KCNMA1: variants seen among roughly 807,000 people sequenced by gnomAD.
KCNMA1 encodes Calcium-activated potassium channel subunit alpha-1.
Under a neutral mutation model 140.0 loss-of-function variants are expected in KCNMA1, and 29 were observed. The ratio of observed to expected loss-of-function variants is 0.21; its 90% CI spans 0.15 to 0.28. KCNMA1 has a LOEUF of 0.28. Ranked by LOEUF, KCNMA1 falls within the 10% of genes least tolerant of loss-of-function variation. The pLI is 1.00. For missense variants in KCNMA1, 880 were observed against 1,602.2 expected (o/e 0.55, Z 7.70); for synonymous variants, 612 against 611.9 (o/e 1.00, Z 0.00).
At chr10:77,253,772 C>CA (rs1304782912) in intron 2 of KCNMA1, among the ~76,000 whole-genome samples, 1 of 152,196 alleles carries the variant, frequency 6.6e-6, no homozygotes, top group African/African-American at 2.4e-5. Flanking sequence ...CAAACTGCCC[C>CA]ATGATGTACG....
At chr10:77,506,596 A>AGAGAGAGAGAGAGAGAGTGTGT in intron 1 of KCNMA1, among the ~76,000 whole-genome samples, 11 of 83,570 alleles carry the variant, frequency 1.3e-4, no homozygotes, top group African/African-American at 3.0e-4. Flanking sequence ...AGAGAGAGAG[A>AGAGAGAGAGAGAGAGAGTGTGT]GTGTGTGTGT....
intron 3 of KCNMA1, among the ~76,000 whole-genome samples, chr10:77,230,842 C>G (rs1177665235): frequency 1.3e-5 from 2 of 152,136 alleles, no homozygotes; most frequent in African/African-American, 4.8e-5. Context: ...AAGAATTCAG[C>G]ATCATGAAAC....
At chr10:77,122,358 A>T (rs904088556) in intron 5 of KCNMA1, among the ~76,000 whole-genome samples, 5 of 152,204 alleles carry the variant, frequency 3.3e-5, no homozygotes, top group African/African-American at 1.2e-4. Context: ...CTTCTATGCT[A>T]AATAATACTT....
At chr10:77,133,837 C>T (rs1158368436) in intron 5 of KCNMA1, among the ~76,000 whole-genome samples, 2 of 152,066 alleles carry the variant, frequency 1.3e-5, no homozygotes, top group Non-Finnish European at 2.9e-5. Flanking sequence ...CAAAAACTGA[C>T]CACATATTAG....
intron 3 of KCNMA1, among the ~76,000 whole-genome samples, chr10:77,233,721 G>A (rs1365503160): frequency 2.0e-5 from 3 of 152,190 alleles, no homozygotes; most frequent in South Asian, 2.1e-4. Flanking sequence ...ACTGCTGGCC[G>A]ACAACCACCT....
chr10:77,600,304 C>G (rs1448314845), intron 1 of KCNMA1, among the ~76,000 whole-genome samples: 1 of 152,150 alleles, frequency 6.6e-6, no homozygotes, highest in African/African-American at 2.4e-5. Context: ...TCAGACCTAT[C>G]AAAAGGTAAT....
At chr10:77,217,067 G>A (rs1225667309) in intron 3 of KCNMA1, among the ~76,000 whole-genome samples, 2 of 152,268 alleles carry the variant, frequency 1.3e-5, no homozygotes, top group South Asian at 2.1e-4. Context: ...CACTTTGGGA[G>A]GCTGAGGCGG....
chr10:77,383,010 A>ATATG (rs2095477871), intron 2 of KCNMA1, among the ~76,000 whole-genome samples: 1 of 124,270 alleles, frequency 8.0e-6, no homozygotes, highest in African/African-American at 3.5e-5. Flanking sequence ...ATATATATAT[A>ATATG]TATATATATA....
intron 9 of KCNMA1, among the ~76,000 whole-genome samples, chr10:77,104,010 C>T (rs770850735): frequency 5.3e-5 from 8 of 152,142 alleles, no homozygotes; most frequent in South Asian, 4.1e-4. Context: ...GGCAGCAGGA[C>T]GCAGGGAAGC....
chr10:77,052,935 C>A (rs1335470933), intron 14 of KCNMA1, among the ~76,000 whole-genome samples: 2 of 152,164 alleles, frequency 1.3e-5, no homozygotes, highest in African/African-American at 4.8e-5. Flanking sequence ...AAGTATTCCC[C>A]CAAATACCTT....
intron 3 of KCNMA1, among the ~76,000 whole-genome samples, chr10:77,186,543 G>A (rs907344038): frequency 3.2e-4 from 48 of 152,054 alleles, no homozygotes; most frequent in Admixed American, 1.1e-3. Flanking sequence ...TACTAATTTC[G>A]ATGAAAAAAG....
chr10:77,557,196 T>G (rs1194266505), intron 1 of KCNMA1, among the ~76,000 whole-genome samples: 2 of 152,224 alleles, frequency 1.3e-5, no homozygotes, highest in Non-Finnish European at 2.9e-5. Flanking sequence ...TCTTGAAAGC[T>G]GTCAATCACT....
intron 3 of KCNMA1, among the ~76,000 whole-genome samples, chr10:77,197,370 T>C (rs539515544): frequency 1.3e-5 from 2 of 152,338 alleles, no homozygotes; most frequent in South Asian, 2.1e-4. Flanking sequence ...GTCAGGAACA[T>C]GTAGGACTGA....
chr10:77,571,846 T>C (rs35910382), intron 1 of KCNMA1, among the ~76,000 whole-genome samples: 24,223 of 152,238 alleles, frequency 0.16, 2,245 homozygotes, highest in Middle Eastern at 0.25. Context: ...AGATACACCT[T>C]TCTTTGGTCT....
intron 3 of KCNMA1, among the ~76,000 whole-genome samples, chr10:77,208,908 C>T (rs2045078476): frequency 6.6e-6 from 1 of 152,140 alleles, no homozygotes; most frequent in Non-Finnish European, 1.5e-5. Context: ...CTGTAAGATC[C>T]TGGGGAACAT....
intron 1 of KCNMA1, among the ~76,000 whole-genome samples, chr10:77,489,430 G>A (rs2098505410): frequency 6.6e-6 from 1 of 152,048 alleles, no homozygotes; most frequent in Non-Finnish European, 1.5e-5. Flanking sequence ...CTGCCTCCCA[G>A]GTTCAAGCAA....
intron 3 of KCNMA1, among the ~76,000 whole-genome samples, chr10:77,232,461 T>C (rs975227863): frequency 6.6e-6 from 1 of 152,202 alleles, no homozygotes; most frequent in Non-Finnish European, 1.5e-5. Flanking sequence ...TCCAAATGGG[T>C]GTAAAGTGGT....
chr10:77,508,581 C>CTTTTTTTTTTT (rs761735012), intron 1 of KCNMA1, among the ~76,000 whole-genome samples: 4 of 99,874 alleles, frequency 4.0e-5, no homozygotes, highest in East Asian at 3.7e-4. Context: ...TTTTTCTTTT[C>CTTTTTTTTTTT]TTTTTTTTTT....
intron 11 of KCNMA1, among the ~76,000 whole-genome samples, chr10:77,086,065 T>A (rs561870869): frequency 1.3e-4 from 20 of 152,346 alleles, no homozygotes; most frequent in Non-Finnish European, 2.8e-4. Context: ...TTTTATTTTA[T>A]ATTTTAGCCT....
Sources: allele counts gnomAD v4.1 joint callset (sites outside exome capture counted in the v4.1 genomes callset), GRCh38; gene constraint gnomAD v4.1.1; transcripts MANE v1.5; gene names NCBI Gene and HGNC (gene_info 2026-07-23, HGNC 2026-07-21).